The following CORO7 variants were observed in gnomAD, a reference collection of about 807,000 sequenced individuals.
The protein encoded by CORO7 is coronin 7, also known as coronin-7.
In CORO7, 107 loss-of-function variants were observed where a neutral mutation model predicts 126.6. That is an observed-to-expected ratio of 0.85 (90% CI 0.72 to 0.99). The LOEUF (loss-of-function observed/expected upper bound fraction) is 0.99. Among genes scored for constraint, CORO7 ranks in the 50% least tolerant of loss-of-function variants. CORO7 has a pLI of 0.00. For synonymous variants in CORO7, 603 were observed against 536.8 expected (o/e 1.12, Z -1.70); for missense variants, 1,314 against 1,255.8 (o/e 1.05, Z -0.70).
At position 4,407,506 on chromosome 16, in the gene CORO7, A is replaced by C; in HGVS notation, c.482T>G (p.Leu161Arg). Reference sequence around the variant, plus strand: ...CAGGCCAGGGTGGCCTGTACCTGTCAGGGGCTGCTGCTTGGCTGCGTCCCA... The same window carrying C: ...CAGGCCAGGGTGGCCTGTACCTGTCCGGGGCTGCTGCTTGGCTGCGTCCCA... ...KVWDAAKQQP[L>R]TELAAHGDLV... is the part of the protein sequence containing the mutation. Residue 161 changes from leucine (L) to arginine (R), a missense_variant, in exon 5 of 28, where the codon CTG (leucine) becomes CGG (arginine). By Grantham distance (102) the Leu-to-Arg change is moderately radical. Transcript: ENST00000251166. 2.6e-6 allele frequency: 4 copies of C among 1,566,988 alleles called. No homozygotes were observed. The highest frequency in any genetic ancestry group is 3.5e-6 in the Non-Finnish European group (4 of 1,155,962).
intron 14 of CORO7, 46 bp downstream of exon 14, chr16:4,364,230 C>T (rs200889569): frequency 1.3e-6 from 2 of 1,489,630 alleles, no homozygotes; most frequent in Admixed American, 2.5e-5. Context: ...TCAGGGCAGC[C>T]ACTGCAGTGT....
intron 9 of CORO7, chr16:4,381,303 T>C: frequency 6.2e-7 from 1 of 1,612,252 alleles, no homozygotes; most frequent in Non-Finnish European, 8.5e-7. Flanking sequence ...TCCAGCCTGG[T>C]GCCTTCGACA....
rs570008797 is a variant in CORO7, at chr16:4,368,883, G to A, written c.786-3338C>T. On this transcript the variant is annotated intron_variant, in intron 9 of 27. Transcript: ENST00000251166. ...ACACTGGCTGCTGGGGGCACAGGCT[G>A]GGAGGAGTGGAAACAGGTGCCAGGA... Among the ~76,000 whole-genome samples the A allele has an allele frequency of 3.5e-4, 53 of 152,356 alleles. 3 individuals are homozygous for A. In the South Asian group the frequency reaches 0.011, roughly 32 times the overall value.
intron 9 of CORO7, chr16:4,381,888 G>A: frequency 6.2e-7 from 1 of 1,605,054 alleles, no homozygotes. Context: ...ACGCTGGCCG[G>A]CTGCTCCTGG....
intron 9 of CORO7, chr16:4,381,301 G>C: frequency 6.2e-7 from 1 of 1,612,274 alleles, no homozygotes; most frequent in Non-Finnish European, 8.5e-7. Flanking sequence ...CATCCAGCCT[G>C]GTGCCTTCGA....
intron 7 of CORO7, among the ~76,000 whole-genome samples, chr16:4,391,298 G>A (rs1168714431): frequency 6.6e-6 from 1 of 152,158 alleles, no homozygotes; most frequent in Admixed American, 6.5e-5. Context: ...GCTCACACCT[G>A]TAATCTTGGC....
chr16:4,381,995 C>G, intron 9 of CORO7: 1 of 1,606,594 alleles, frequency 6.2e-7, no homozygotes, highest in Admixed American at 1.7e-5. Flanking sequence ...GCCTTGTCTT[C>G]TAGCTTGGCT....
chr16:4,382,970 C>T (rs1379356463), intron 9 of CORO7: 5 of 1,420,650 alleles, frequency 3.5e-6, no homozygotes, highest in East Asian at 5.2e-5. Flanking sequence ...CCTGCTGCCA[C>T]ACCACGTAAG....
chr16:4,387,550 AC>A (rs1263631573), intron 9 of CORO7, among the ~76,000 whole-genome samples: 1 of 52,696 alleles, frequency 1.9e-5, no homozygotes, highest in Non-Finnish European at 3.8e-5. Context: ...CTCCACCTCC[AC>A]CCCCACCCCC....
At chr16:4,376,874 T>C (rs1482969804) in intron 9 of CORO7, among the ~76,000 whole-genome samples, 1 of 152,100 alleles carries the variant, frequency 6.6e-6, no homozygotes, top group East Asian at 1.9e-4. Flanking sequence ...GTCTGATCTG[T>C]GTAAAGCTGG....
At position 4,360,251 on chromosome 16, in the gene CORO7, T is replaced by A. The variant is rs531990097; in HGVS notation, c.2108+27A>T. ...GGGGACACAGGTGGCTTCTGAAGCC[T>A]GGGGATGGGGATGCCTGAGTCCTCA... On this transcript the variant is annotated intron_variant, in intron 21 of 27. Coordinates refer to ENST00000251166, the MANE Select transcript of CORO7 (RefSeq NM_024535.5). The A allele has an allele frequency of 1.9e-6, 3 of 1,613,106 alleles. No individual in the cohort carries two copies. The African/African-American group carries it at 4.0e-5, about 22-fold the overall frequency.
At chr16:4,398,914 G>C (rs1361707170) in intron 6 of CORO7, among the ~76,000 whole-genome samples, 1 of 151,064 alleles carries the variant, frequency 6.6e-6, no homozygotes, top group Non-Finnish European at 1.5e-5. Context: ...GTTGCAGTGA[G>C]CTGAGATGGC....
intron 3 of CORO7, 76 bp downstream of exon 3, chr16:4,412,280 G>A (rs2056240495): frequency 2.0e-6 from 3 of 1,532,620 alleles, no homozygotes; most frequent in Admixed American, 3.4e-5. Flanking sequence ...AGTGGGACCA[G>A]GTGAGGATGA....
At chr16:4,355,184 G>A (rs368854361) in intron 27 of CORO7, 21 bp from the exon 28 acceptor site, 58 of 1,558,928 alleles carry the variant, frequency 3.7e-5, no homozygotes, top group Non-Finnish European at 4.8e-5. Context: ...ACACCAAGAG[G>A]TGGGAGGGAG....
chr16:4,364,463 G>C, intron 13 of CORO7, 50 bp from the exon 14 acceptor site: 2 of 1,478,968 alleles, frequency 1.4e-6, no homozygotes. Context: ...TGCCCGGTCA[G>C]GAGGGCCCCC....
At chr16:4,408,491 T>C (rs2056092095) in intron 3 of CORO7, among the ~76,000 whole-genome samples, 1 of 152,246 alleles carries the variant, frequency 6.6e-6, no homozygotes, top group Non-Finnish European at 1.5e-5. Context: ...TGGCAGGAAA[T>C]GGGCAGGAAG....
chr16:4,374,350 G>C (rs1343336390), intron 9 of CORO7, among the ~76,000 whole-genome samples: 2 of 152,134 alleles, frequency 1.3e-5, no homozygotes, highest in Non-Finnish European at 2.9e-5. Flanking sequence ...GCCTCCCTGG[G>C]TGTGAGGAGG....
intron 19 of CORO7, 99 bp downstream of exon 19, chr16:4,360,844 T>TCACTGCTGGCCCCACCTCTCCA: frequency 6.7e-7 from 1 of 1,489,792 alleles, no homozygotes; most frequent in Non-Finnish European, 8.9e-7. Context: ...CTGCCTCTCC[T>TCACTGCTGGCCCCACCTCTCCA]CACTGCTGGC....
chr16:4,408,225 G>C lies in CORO7; in HGVS notation c.259C>G (p.Pro87Ala). The change falls in exon 4 of 28, where the codon CCC becomes GCC. Residue 87 changes from proline (P) to alanine (A), a missense_variant. Transcript: ENST00000251166. ...SDLVTDLDFSPFDDFLLATGS... is the reference protein window; with the variant it reads ...SDLVTDLDFSAFDDFLLATGS... The stretch of plus-strand genomic sequence containing the variant: ...GTGGCCAGGAGGAAGTCATCAAAGG[G>C]CGAGAAGTCCAAGTCGGTGACTAGG... 1.2e-6 allele frequency: 2 copies of C among 1,614,212 alleles called. No individual in the cohort carries two copies. The highest frequency in any genetic ancestry group is 1.7e-6 in the Non-Finnish European group (2 of 1,180,040).
Sources: gnomAD v4.1 joint callset for allele counts (sites outside exome capture counted in the v4.1 genomes callset) on GRCh38, gnomAD v4.1.1 for gene constraint, MANE v1.5 for transcripts, NCBI Gene and HGNC (gene_info 2026-07-23, HGNC 2026-07-21) for gene names.